NUBPL: variants seen among roughly 807,000 people sequenced by gnomAD.
The protein encoded by NUBPL is iron-sulfur cluster transfer protein NUBPL.
A neutral mutation model predicts 45.7 loss-of-function variants in NUBPL; 31 were observed. The ratio of observed to expected loss-of-function variants is 0.68; its 90% CI spans 0.51 to 0.92. NUBPL has a LOEUF of 0.92. NUBPL is among the 40% of genes least tolerant of loss of function. The probability of loss-of-function intolerance (pLI) is 0.00; values close to 1 mark genes in which losing one functional copy is unlikely to be tolerated. For missense variants in NUBPL, 401 were observed against 398.7 expected (o/e 1.01, Z -0.05); for synonymous variants, 144 against 140.9 (o/e 1.02, Z -0.15).
chr14:31,639,269 G>A (rs986259471), intron 4 of NUBPL, among the ~76,000 whole-genome samples: 5 of 152,028 alleles, frequency 3.3e-5, no homozygotes, highest in East Asian at 1.9e-4. Context: ...TTTTTGGTGC[G>A]GATGTCCTTT....
At chr14:31,588,908 C>T (rs1024703358) in intron 3 of NUBPL, among the ~76,000 whole-genome samples, 27 of 90,178 alleles carry the variant, frequency 3.0e-4, no homozygotes, top group East Asian at 2.8e-3. Flanking sequence ...AGTGAGACTC[C>T]GTCTCAAAAA....
chr14:31,668,646 T>G lies in NUBPL; in HGVS notation c.383-4709T>G, dbSNP rs1351984279. ...CTAGCTCAGTGTCTGCCCAAGCAGCTGCCCAGTTTTGTGCTTGAAACCCAG... is the reference window on the plus strand; with the variant it reads ...CTAGCTCAGTGTCTGCCCAAGCAGCGGCCCAGTTTTGTGCTTGAAACCCAG... On this transcript the variant is annotated intron_variant, in intron 4 of 10. Transcript: ENST00000281081. Among the ~76,000 whole-genome samples, 3 of 152,192 alleles carry G rather than the reference T, an allele frequency of 2.0e-5. No individual in the cohort carries two copies. In the East Asian group the frequency reaches 5.8e-4, roughly 29 times the overall value.
intron 4 of NUBPL, among the ~76,000 whole-genome samples, chr14:31,599,804 G>A (rs572750335): frequency 6.6e-6 from 1 of 152,256 alleles, no homozygotes; most frequent in South Asian, 2.1e-4. Flanking sequence ...AAATTGTAAG[G>A]AGCATCTCTT....
At chr14:31,608,339 A>G (rs2034658896) in intron 4 of NUBPL, among the ~76,000 whole-genome samples, 1 of 152,104 alleles carries the variant, frequency 6.6e-6, no homozygotes, top group Admixed American at 6.5e-5. Flanking sequence ...GGATCACCTG[A>G]GGTCAGGAGT....
chr14:31,607,331 C>T (rs903320053), intron 4 of NUBPL, among the ~76,000 whole-genome samples: 6 of 150,928 alleles, frequency 4.0e-5, no homozygotes, highest in African/African-American at 1.2e-4. Context: ...TGCAGTGAGC[C>T]GAGATCGTGC....
intron 3 of NUBPL, among the ~76,000 whole-genome samples, chr14:31,598,664 T>G (rs140498321): frequency 6.6e-6 from 1 of 152,320 alleles, no homozygotes; most frequent in Non-Finnish European, 1.5e-5. Context: ...GAAAACAGTT[T>G]TAGTTGTTTC....
chr14:31,678,949 T>C (rs1020271998), intron 6 of NUBPL, among the ~76,000 whole-genome samples: 16 of 152,204 alleles, frequency 1.1e-4, no homozygotes, highest in African/African-American at 3.6e-4. Flanking sequence ...TGAGGCTTGC[T>C]GGAACTCAGG....
chr14:31,604,698 C>A (rs1304724174), intron 4 of NUBPL, among the ~76,000 whole-genome samples: 2 of 151,930 alleles, frequency 1.3e-5, no homozygotes, highest in Non-Finnish European at 2.9e-5. Flanking sequence ...CTCTTCATAC[C>A]TTTTTTTGGG....
intron 6 of NUBPL, among the ~76,000 whole-genome samples, chr14:31,720,154 A>G (rs1340806692): frequency 6.6e-6 from 1 of 152,118 alleles, no homozygotes; most frequent in Non-Finnish European, 1.5e-5. Context: ...CCCACTTCTC[A>G]TAATTCTGTA....
At chr14:31,575,314 A>G (rs1471455716) in intron 3 of NUBPL, among the ~76,000 whole-genome samples, 4 of 152,258 alleles carry the variant, frequency 2.6e-5, no homozygotes, top group Non-Finnish European at 4.4e-5. Context: ...GATTTTCTTC[A>G]TTAATAAATA....
At chr14:31,636,298 G>A (rs901547774) in intron 4 of NUBPL, among the ~76,000 whole-genome samples, 10 of 151,976 alleles carry the variant, frequency 6.6e-5, no homozygotes, top group African/African-American at 2.4e-4. Context: ...TTTTTAGCAT[G>A]AAGCGTTGTT....
intron 4 of NUBPL, chr14:31,654,140 C>T (rs1023262019): frequency 1.1e-4 from 48 of 453,132 alleles, no homozygotes; most frequent in Non-Finnish European, 1.8e-4. Context: ...ATAAAGTAAG[C>T]AACATGAATT....
At chr14:31,632,716 C>G (rs1371502407) in intron 4 of NUBPL, among the ~76,000 whole-genome samples, 1 of 152,196 alleles carries the variant, frequency 6.6e-6, no homozygotes, top group Admixed American at 6.5e-5. Flanking sequence ...TTAAACTCAT[C>G]AGCAGATGCT....
rs1179095301 is a variant in NUBPL at position 31,757,948 on chromosome 14, T to TA, written c.514-29831dup. Among the ~76,000 whole-genome samples, 5 of 146,222 alleles carry TA rather than the reference T, an allele frequency of 3.4e-5. No individual in the cohort carries two copies. In the East Asian group the frequency reaches 9.7e-4, roughly 28 times the overall value. On this transcript the variant is annotated intron_variant, in intron 6 of 10. Transcript: ENST00000281081. Reference sequence around the variant, plus strand: ...ATTAACACTTTAGGGCCCTTGAACTTATGGCTGTTCTCTCTATCTGGAAAC... The same window carrying TA: ...ATTAACACTTTAGGGCCCTTGAACTTAATGGCTGTTCTCTCTATCTGGAAAC...
At chr14:31,724,959 T>C (rs991569096) in intron 6 of NUBPL, among the ~76,000 whole-genome samples, 5 of 151,488 alleles carry the variant, frequency 3.3e-5, no homozygotes, top group African/African-American at 2.4e-5. Context: ...AGGAAGAACA[T>C]ACAAAATGAA....
At chr14:31,852,688 A>T (rs184966961) in intron 10 of NUBPL, among the ~76,000 whole-genome samples, 5 of 152,286 alleles carry the variant, frequency 3.3e-5, no homozygotes, top group Admixed American at 1.3e-4. Flanking sequence ...AAAATAAAAA[A>T]ATCAGGGTAG....
chr14:31,818,249 C>T (rs553400797), intron 7 of NUBPL, among the ~76,000 whole-genome samples: 119 of 152,224 alleles, frequency 7.8e-4, no homozygotes, highest in African/African-American at 2.7e-3. Context: ...GACAGAACAA[C>T]GTGACAGAAA....
intron 7 of NUBPL, among the ~76,000 whole-genome samples, chr14:31,811,146 T>G (rs376837216): frequency 6.6e-6 from 1 of 152,230 alleles, no homozygotes; most frequent in South Asian, 2.1e-4. Context: ...CTGTACTTCC[T>G]GAATTTGAAT....
At chr14:31,775,289 A>G (rs2039079291) in intron 6 of NUBPL, among the ~76,000 whole-genome samples, 3 of 152,124 alleles carry the variant, frequency 2.0e-5, no homozygotes. Flanking sequence ...ATAGTGGCAC[A>G]TGTCTGTAAT....
Sources: allele counts gnomAD v4.1 joint callset (sites outside exome capture counted in the v4.1 genomes callset), GRCh38; gene constraint gnomAD v4.1.1; transcripts MANE v1.5; gene names NCBI Gene and HGNC (gene_info 2026-07-23, HGNC 2026-07-21).